Variants in HEMK2 observed in about 807,000 individuals in gnomAD.
HEMK2 encodes the protein methyltransferase HEMK2.
At chr21:28,596,331 TTATTA>T in the HEMK2 span, among the ~76,000 whole-genome samples, 1 of 152,184 alleles carries the variant, frequency 6.6e-6, no homozygotes, top group Non-Finnish European at 1.5e-5. Flanking sequence ...ACAGTTCTTA[TTATTA>T]TATTTTTTTC....
At chr21:28,796,300 C>T in the HEMK2 span, among the ~76,000 whole-genome samples, 5 of 151,838 alleles carry the variant, frequency 3.3e-5, no homozygotes, top group South Asian at 2.1e-4. Context: ...CCACTACGTC[C>T]GGCTAATTTT....
the HEMK2 span, among the ~76,000 whole-genome samples, chr21:28,801,425 G>A: frequency 6.6e-6 from 1 of 152,006 alleles, no homozygotes; most frequent in Non-Finnish European, 1.5e-5. Flanking sequence ...TCTTGGAGTT[G>A]TAAAAATAAA....
the HEMK2 span, among the ~76,000 whole-genome samples, chr21:28,673,024 AAGAG>A: frequency 7.0e-6 from 1 of 142,040 alleles, no homozygotes; most frequent in Non-Finnish European, 1.5e-5. Flanking sequence ...GAAAGAAAGA[AAGAG>A]AAAGGAGAGA....
the HEMK2 span, among the ~76,000 whole-genome samples, chr21:28,804,010 G>A: frequency 6.6e-6 from 1 of 152,192 alleles, no homozygotes; most frequent in Non-Finnish European, 1.5e-5. Context: ...CAAAATGACT[G>A]TAGCATATTC....
the HEMK2 span, among the ~76,000 whole-genome samples, chr21:28,879,095 T>A: frequency 3.5e-4 from 16 of 46,266 alleles, no homozygotes; most frequent in East Asian, 4.2e-3. Flanking sequence ...TTTTTTTTTT[T>A]TTTTTTAGAG....
At chr21:28,847,910 T>C in the HEMK2 span, among the ~76,000 whole-genome samples, 1 of 152,210 alleles carries the variant, frequency 6.6e-6, no homozygotes, top group African/African-American at 2.4e-5. Context: ...CTGTTGACTT[T>C]GTCAAAGACC....
the HEMK2 span, among the ~76,000 whole-genome samples, chr21:28,737,978 G>C: frequency 1.3e-5 from 2 of 152,202 alleles, no homozygotes; most frequent in South Asian, 4.1e-4. Flanking sequence ...AAAGCCAATT[G>C]CACTGTGTTT....
chr21:28,758,651 C>A, the HEMK2 span, among the ~76,000 whole-genome samples: 1 of 152,156 alleles, frequency 6.6e-6, no homozygotes, highest in Non-Finnish European at 1.5e-5. Flanking sequence ...AGAATAAAAC[C>A]AACGTGCTCT....
chr21:28,732,078 G>A, the HEMK2 span, among the ~76,000 whole-genome samples: 74,934 of 152,152 alleles, frequency 0.49, 20,960 homozygotes, highest in East Asian at 0.78. Flanking sequence ...CTCTCCTGCC[G>A]TTTTGTTCTA....
the HEMK2 span, among the ~76,000 whole-genome samples, chr21:28,831,630 GGAAGGAAAGAAAGAAAGAAAGAAAGAAA>G: frequency 3.8e-5 from 2 of 52,908 alleles, no homozygotes; most frequent in Non-Finnish European, 3.3e-5. Context: ...AAGGAAAGAA[GGAAGGAAAGAAAGAAAGAAAGAAAGAAA>G]GAAAGAAAGA....
chr21:28,848,910 T>C, the HEMK2 span, among the ~76,000 whole-genome samples: 1 of 152,206 alleles, frequency 6.6e-6, no homozygotes, highest in East Asian at 1.9e-4. Flanking sequence ...CCAGCAACCC[T>C]GCCCCTGCCT....
the HEMK2 span, among the ~76,000 whole-genome samples, chr21:28,636,153 C>G: frequency 2.0e-5 from 3 of 152,084 alleles, no homozygotes; most frequent in Admixed American, 6.5e-5. Flanking sequence ...TTTTTTGGTA[C>G]ATTGAGTATC....
At chr21:28,747,569 C>T in the HEMK2 span, among the ~76,000 whole-genome samples, 7 of 152,160 alleles carry the variant, frequency 4.6e-5, no homozygotes, top group Admixed American at 1.3e-4. Flanking sequence ...TTCAGAGTTC[C>T]AATACTCCTA....
the HEMK2 span, among the ~76,000 whole-genome samples, chr21:28,788,217 T>C: frequency 0.042 from 5,590 of 134,446 alleles, 218 homozygotes; most frequent in African/African-American, 0.11. Context: ...TACGTATATA[T>C]GTATATATAC....
the HEMK2 span, among the ~76,000 whole-genome samples, chr21:28,659,747 A>C: frequency 2.0e-5 from 3 of 152,094 alleles, no homozygotes; most frequent in African/African-American, 7.2e-5. Flanking sequence ...CATATCAGAT[A>C]AGGTAAGTCC....
the HEMK2 span, among the ~76,000 whole-genome samples, chr21:28,787,736 G>A: frequency 6.6e-6 from 1 of 152,176 alleles, no homozygotes; most frequent in Non-Finnish European, 1.5e-5. Context: ...GCGGTGAGCA[G>A]TGAACACTTC....
the HEMK2 span, among the ~76,000 whole-genome samples, chr21:28,835,180 G>A: frequency 3.9e-5 from 6 of 152,094 alleles, no homozygotes; most frequent in African/African-American, 9.7e-5. Context: ...CCTGGCAGAA[G>A]GTCAACCAGC....
At chr21:28,598,232 G>A in the HEMK2 span, among the ~76,000 whole-genome samples, 1 of 152,176 alleles carries the variant, frequency 6.6e-6, no homozygotes, top group African/African-American at 2.4e-5. Context: ...TCCTTTGTAT[G>A]CCTGAGGCCT....
At chr21:28,687,629 T>G in the HEMK2 span, among the ~76,000 whole-genome samples, 1 of 152,162 alleles carries the variant, frequency 6.6e-6, no homozygotes, top group Non-Finnish European at 1.5e-5. Flanking sequence ...TAACCATATC[T>G]GTAAATGATA....
Sources: allele counts gnomAD v4.1 joint callset (sites outside exome capture counted in the v4.1 genomes callset), GRCh38; gene constraint gnomAD v4.1.1; transcripts MANE v1.5; gene names NCBI Gene and HGNC (gene_info 2026-07-23, HGNC 2026-07-21).